UMAD1: variants seen among roughly 807,000 people sequenced by gnomAD.
UMAD1 encodes the protein UBAP1-MVB12-associated (UMA) domain containing 1, also known as UBAP1-MVB12-associated (UMA)-domain containing protein 1.
Under a neutral mutation model 6.1 loss-of-function variants are expected in UMAD1, and 8 were observed. The ratio of observed to expected loss-of-function variants is 1.30; its 90% CI spans 0.76 to 2.35. The LOEUF is 2.35. Among genes scored for constraint, UMAD1 ranks in the 30% most tolerant of loss-of-function variants. The probability of loss-of-function intolerance (pLI) is 0.00; values close to 1 mark genes in which losing one functional copy is unlikely to be tolerated. For synonymous variants in UMAD1, 56 were observed against 31.4 expected, an observed-to-expected ratio of 1.78 and a Z score of -2.61; for missense variants, 130 against 78.4, an observed-to-expected ratio of 1.66 and a Z score of -2.49.
chr7:7,771,619 G>A (rs1782103290), intron 2 of UMAD1, among the ~76,000 whole-genome samples: 1 of 152,144 alleles, frequency 6.6e-6, no homozygotes, highest in African/African-American at 2.4e-5. Context: ...CTCCAGTGAT[G>A]AGTCAGAATT....
chr7:7,663,626 A>T (rs1296395024), intron 1 of UMAD1, among the ~76,000 whole-genome samples: 1 of 152,234 alleles, frequency 6.6e-6, no homozygotes, highest in African/African-American at 2.4e-5. Flanking sequence ...TCTGTTAAAT[A>T]CTGAACTTGT....
At position 7,877,262 on chromosome 7, in the gene UMAD1, TA is replaced by T; in HGVS notation, c.157-16del. The T allele has an allele frequency of 1.4e-6, 1 of 708,618 alleles. No individual in the cohort carries two copies. Among genetic ancestry groups the T allele is most frequent in the Non-Finnish European group, 2.6e-6 (1 of 377,664 alleles). 43.9% of individuals were successfully genotyped at this position (708,618 alleles called of 1,614,324 possible). Reference sequence around the variant, plus strand: ...CAAAGTTCACAAGGCCTAAATGTTTTAAATGTATGTATTTTTAGACCAACAA... The same window carrying T: ...CAAAGTTCACAAGGCCTAAATGTTTTAATGTATGTATTTTTAGACCAACAA... On this transcript the variant is annotated intron_variant, in intron 3 of 3. Coordinates refer to ENST00000682710, the MANE Select transcript of UMAD1 (RefSeq NM_001302348.2).
intron 1 of UMAD1, among the ~76,000 whole-genome samples, chr7:7,653,904 C>T (rs1289558587): frequency 6.6e-6 from 1 of 152,120 alleles, no homozygotes; most frequent in African/African-American, 2.4e-5. Context: ...CTAAGGACAG[C>T]CTCCCACAAC....
chr7:7,651,006 A>C (rs1283371173), intron 1 of UMAD1, among the ~76,000 whole-genome samples: 1 of 152,226 alleles, frequency 6.6e-6, no homozygotes. Context: ...TTTGTGGTAC[A>C]AAAAGCCAGG....
intron 2 of UMAD1, among the ~76,000 whole-genome samples, chr7:7,696,788 G>T (rs6944960): frequency 0.32 from 48,542 of 151,826 alleles, 7,924 homozygotes; most frequent in South Asian, 0.37. Flanking sequence ...TATAGGTAGG[G>T]CCCTGTGAAA....
intron 1 of UMAD1, among the ~76,000 whole-genome samples, chr7:7,641,906 T>C (rs1444117549): frequency 6.6e-6 from 1 of 152,222 alleles, no homozygotes; most frequent in Non-Finnish European, 1.5e-5. Flanking sequence ...TAGTGTTTCC[T>C]TAGCACTTAA....
intron 2 of UMAD1, among the ~76,000 whole-genome samples, chr7:7,705,682 T>G (rs1264028508): frequency 6.6e-6 from 1 of 152,184 alleles, no homozygotes; most frequent in Non-Finnish European, 1.5e-5. Flanking sequence ...ATTTTTAGGG[T>G]AGTGAAACTA....
chr7:7,877,793 A>C lies in UMAD1; in HGVS notation c.*255A>C, dbSNP rs1426065679. Reference sequence around the variant, plus strand: ...TATGAAGGTTTTAGGAAAGGACTCGATTCCTTCAGATGGTCTCTCAAAATA... The same window carrying C: ...TATGAAGGTTTTAGGAAAGGACTCGCTTCCTTCAGATGGTCTCTCAAAATA... On this transcript the variant is annotated 3_prime_UTR_variant, in exon 4 of 4. Coordinates refer to ENST00000682710, the MANE Select transcript of UMAD1 (RefSeq NM_001302348.2). 1.2e-5 allele frequency: 5 copies of C among 428,018 alleles called. No individual in the cohort carries two copies. Among genetic ancestry groups the C allele is most frequent in the African/African-American group, 2.0e-5 (1 of 49,982 alleles). 26.5% of individuals were successfully genotyped at this position (428,018 alleles called of 1,614,324 possible).
At chr7:7,767,189 A>G (rs1281175179) in intron 2 of UMAD1, among the ~76,000 whole-genome samples, 2 of 146,430 alleles carry the variant, frequency 1.4e-5, no homozygotes, top group East Asian at 4.0e-4. Context: ...CAGTGGCACA[A>G]TCTCGCCTCA....
At chr7:7,672,308 C>G (rs896787063) in intron 1 of UMAD1, among the ~76,000 whole-genome samples, 3 of 152,084 alleles carry the variant, frequency 2.0e-5, no homozygotes, top group Non-Finnish European at 4.4e-5. Flanking sequence ...TGTTGGCCTA[C>G]TTGAATGTAT....
At chr7:7,809,491 A>G (rs1323670266) in intron 3 of UMAD1, among the ~76,000 whole-genome samples, 2 of 152,046 alleles carry the variant, frequency 1.3e-5, no homozygotes, top group African/African-American at 2.4e-5. Flanking sequence ...TACAATGTGA[A>G]ATGATTAAAT....
chr7:7,795,232 C>T (rs949078363), intron 2 of UMAD1, among the ~76,000 whole-genome samples: 2 of 152,246 alleles, frequency 1.3e-5, no homozygotes, highest in African/African-American at 2.4e-5. Context: ...GTCATGGACA[C>T]ACACATTGGA....
At chr7:7,676,482 TG>T (rs1404703813) in intron 2 of UMAD1, among the ~76,000 whole-genome samples, 1 of 152,180 alleles carries the variant, frequency 6.6e-6, no homozygotes, top group Admixed American at 6.5e-5. Flanking sequence ...TCCATCTTTT[TG>T]TAAAAAAAGT....
intron 2 of UMAD1, chr7:7,715,277 G>T (rs2115175343): frequency 6.6e-6 from 1 of 152,264 alleles, no homozygotes; most frequent in Non-Finnish European, 1.5e-5. Context: ...GTTTTCACCA[G>T]ATTTATGAAT....
At chr7:7,870,247 G>C (rs760471853) in intron 3 of UMAD1, among the ~76,000 whole-genome samples, 1 of 152,004 alleles carries the variant, frequency 6.6e-6, no homozygotes, top group Admixed American at 6.6e-5. Context: ...AATCTGACAC[G>C]GTATGCTCAT....
chr7:7,761,257 C>T (rs761972349), intron 2 of UMAD1, among the ~76,000 whole-genome samples: 3 of 150,618 alleles, frequency 2.0e-5, no homozygotes, highest in Non-Finnish European at 4.4e-5. Context: ...CCCAGCTACT[C>T]GGGAGGCTGA....
intron 2 of UMAD1, among the ~76,000 whole-genome samples, chr7:7,788,387 G>A (rs551812738): frequency 1.3e-5 from 2 of 152,260 alleles, no homozygotes; most frequent in African/African-American, 4.8e-5. Flanking sequence ...ATTTTACTCT[G>A]TAATCAAGCA....
intron 3 of UMAD1, among the ~76,000 whole-genome samples, chr7:7,822,040 G>A (rs1381884237): frequency 2.0e-5 from 3 of 151,926 alleles, no homozygotes; most frequent in Non-Finnish European, 4.4e-5. Context: ...ATGTGCTTTT[G>A]TATGATATCA....
At chr7:7,824,117 C>T (rs548759059) in intron 3 of UMAD1, among the ~76,000 whole-genome samples, 1 of 152,196 alleles carries the variant, frequency 6.6e-6, no homozygotes, top group Admixed American at 6.5e-5. Context: ...ACCTTGCCCT[C>T]CGCTCCACAG....
Sources: gnomAD v4.1 joint callset for allele counts (sites outside exome capture counted in the v4.1 genomes callset) on GRCh38, gnomAD v4.1.1 for gene constraint, MANE v1.5 for transcripts, NCBI Gene and HGNC (gene_info 2026-07-23, HGNC 2026-07-21) for gene names.